The following KCNT2 variants were observed in gnomAD, a reference collection of about 807,000 sequenced individuals.
KCNT2 encodes the protein potassium channel subfamily T member 2.
A neutral mutation model predicts 153.8 loss-of-function variants in KCNT2; 67 were observed. The ratio of observed to expected loss-of-function variants is 0.44; its 90% confidence interval spans 0.36 to 0.53. KCNT2 has a LOEUF of 0.53. Among genes scored for constraint, KCNT2 ranks in the 20% least tolerant of loss-of-function variants. KCNT2 has a pLI of 0.00. For missense variants in KCNT2, 975 were observed against 1,354.8 expected (o/e 0.72, Z 4.40); for synonymous variants, 500 against 458.8 (o/e 1.09, Z -1.15).
chr1:196,374,644 G>C (rs1021247465), intron 13 of KCNT2, among the ~76,000 whole-genome samples: 4 of 151,716 alleles, frequency 2.6e-5, no homozygotes, highest in Non-Finnish European at 4.4e-5. Flanking sequence ...ATACAATTTT[G>C]AATGCAGGGA....
chr1:196,384,506 T>A (rs1053794649), intron 13 of KCNT2, among the ~76,000 whole-genome samples: 1 of 151,952 alleles, frequency 6.6e-6, no homozygotes, highest in African/African-American at 2.4e-5. Context: ...AGCTTGACCA[T>A]CATGGCGAAA....
chr1:196,334,108 T>C, intron 16 of KCNT2, 48 bp from the exon 17 acceptor site: 3 of 1,175,224 alleles, frequency 2.6e-6, no homozygotes, highest in Non-Finnish European at 3.8e-6. Context: ...GCCATATTGA[T>C]CACTAGTGTT....
chr1:196,269,988 A>T (rs1347634703), intron 25 of KCNT2, among the ~76,000 whole-genome samples: 1 of 152,062 alleles, frequency 6.6e-6, no homozygotes, highest in African/African-American at 2.4e-5. Flanking sequence ...ATATGACTCC[A>T]TTTATGTCAC....
intron 25 of KCNT2, among the ~76,000 whole-genome samples, chr1:196,274,823 T>A (rs781729664): frequency 6.6e-6 from 1 of 151,844 alleles, no homozygotes; most frequent in Non-Finnish European, 1.5e-5. Context: ...TATAGTATAC[T>A]TCAAACAAAT....
chr1:196,500,690 C>T lies in KCNT2; in HGVS notation c.96-8349G>A, dbSNP rs115094915. On this transcript the variant is annotated intron_variant, in intron 1 of 27. Transcript: ENST00000294725. ...GCTTGTCAAACACAACAAAAACACA[C>T]ATAGACAAATAGGAATTAATTAAAC... Among the ~76,000 whole-genome samples the T allele has an allele frequency of 5.1e-3, 777 of 152,182 alleles. 7 individuals are homozygous for T. Among genetic ancestry groups the T allele is most frequent in the Middle Eastern group, 0.02 (6 of 294 alleles).
chr1:196,271,262 A>G (rs1658039309), intron 25 of KCNT2, among the ~76,000 whole-genome samples: 1 of 152,086 alleles, frequency 6.6e-6, no homozygotes, highest in Non-Finnish European at 1.5e-5. Context: ...CACTGCTTAC[A>G]GATCATGACT....
At chr1:196,281,283 C>T (rs2477356) in intron 24 of KCNT2, among the ~76,000 whole-genome samples, 112,204 of 152,064 alleles carry the variant, frequency 0.74, 43,456 homozygotes, top group East Asian at 0.95. Flanking sequence ...TTAAGAAATC[C>T]GAGTACTCAA....
chr1:196,251,155 C>T (rs1655932657), intron 26 of KCNT2, among the ~76,000 whole-genome samples: 1 of 152,022 alleles, frequency 6.6e-6, no homozygotes, highest in Admixed American at 6.6e-5. Flanking sequence ...TCTGCACTCC[C>T]ATGTTTATTG....
At chr1:196,240,478 G>A (rs750324100) in intron 26 of KCNT2, among the ~76,000 whole-genome samples, 3 of 151,918 alleles carry the variant, frequency 2.0e-5, no homozygotes, top group Non-Finnish European at 2.9e-5. Flanking sequence ...GCAACATAAA[G>A]GTTATGTATT....
At chr1:196,240,950 G>A (rs546891556) in intron 26 of KCNT2, among the ~76,000 whole-genome samples, 2 of 152,078 alleles carry the variant, frequency 1.3e-5, no homozygotes, top group East Asian at 3.9e-4. Context: ...AAACCCATGT[G>A]AGAGATATTG....
intron 1 of KCNT2, among the ~76,000 whole-genome samples, chr1:196,499,627 C>T (rs994724718): frequency 1.3e-5 from 2 of 152,224 alleles, no homozygotes; most frequent in South Asian, 2.1e-4. Flanking sequence ...ATGCAAAACT[C>T]GGGTTTATGG....
chr1:196,590,709 T>C lies in KCNT2; in HGVS notation c.95+17506A>G, dbSNP rs550714682. 1.2e-4 allele frequency among the ~76,000 whole-genome samples: 18 copies of C among 152,338 alleles called. 2 individuals carry two copies. The highest frequency in any genetic ancestry group is 4.3e-4 in the African/African-American group (18 of 41,586). On this transcript the variant is annotated intron_variant, in intron 1 of 27. Coordinates refer to ENST00000294725, the MANE Select transcript of KCNT2 (RefSeq NM_198503.5). ...TTAAGTAAAACAAAGCTCCTGTTTCTAAATTGATATTTTCACGTTACTTGG... is the reference window on the plus strand; with the variant it reads ...TTAAGTAAAACAAAGCTCCTGTTTCCAAATTGATATTTTCACGTTACTTGG...
intron 2 of KCNT2, among the ~76,000 whole-genome samples, chr1:196,490,828 T>C (rs1432508808): frequency 6.6e-6 from 1 of 151,962 alleles, no homozygotes; most frequent in Non-Finnish European, 1.5e-5. Context: ...GATTCATGCA[T>C]TATGAATAAA....
chr1:196,551,175 A>T (rs1371738638), intron 1 of KCNT2, among the ~76,000 whole-genome samples: 1 of 151,850 alleles, frequency 6.6e-6, no homozygotes, highest in Non-Finnish European at 1.5e-5. Context: ...TCATGCTTAG[A>T]TATCCTCTGG....
intron 5 of KCNT2, among the ~76,000 whole-genome samples, chr1:196,469,618 T>C (rs1677916581): frequency 6.6e-6 from 1 of 152,126 alleles, no homozygotes; most frequent in Admixed American, 6.6e-5. Context: ...CAGGACCCAG[T>C]GCAAAATGAA....
At chr1:196,464,040 A>G (rs1677388932) in intron 8 of KCNT2, among the ~76,000 whole-genome samples, 1 of 151,874 alleles carries the variant, frequency 6.6e-6, no homozygotes, top group African/African-American at 2.4e-5. Flanking sequence ...AACAATTGAA[A>G]AATTATCGTA....
intron 19 of KCNT2, among the ~76,000 whole-genome samples, chr1:196,323,352 A>AT (rs1471439363): frequency 6.6e-6 from 1 of 151,958 alleles, no homozygotes; most frequent in Non-Finnish European, 1.5e-5. Context: ...TTTGGATAAT[A>AT]TATTCTAGCT....
chr1:196,359,712 A>C (rs923285185), intron 14 of KCNT2, among the ~76,000 whole-genome samples: 1 of 152,014 alleles, frequency 6.6e-6, no homozygotes. Context: ...ATCACACTGA[A>C]TTAAGGAGAT....
chr1:196,342,325 A>G, intron 14 of KCNT2, 97 bp from the exon 15 acceptor site: 1 of 973,682 alleles, frequency 1.0e-6, no homozygotes, highest in Non-Finnish European at 1.5e-6. Flanking sequence ...TCAACTGTGT[A>G]AGAACTGGCA....
Sources: allele counts gnomAD v4.1 joint callset (sites outside exome capture counted in the v4.1 genomes callset), GRCh38; gene constraint gnomAD v4.1.1; transcripts MANE v1.5; gene names NCBI Gene and HGNC (gene_info 2026-07-23, HGNC 2026-07-21).